The following SHISA9 variants were observed in gnomAD, a reference collection of about 807,000 sequenced individuals.
The protein encoded by SHISA9 is protein shisa-9.
SHISA9 carries 13 observed loss-of-function variants against 38.0 expected under a neutral mutation model. That is an observed-to-expected ratio of 0.34 (90% CI 0.22 to 0.54). The LOEUF is 0.54. Ranked by LOEUF, SHISA9 falls within the 20% of genes least tolerant of loss-of-function variation. The pLI, the probability that SHISA9 is intolerant of heterozygous loss-of-function variation, is 0.91. For synonymous variants in SHISA9, 275 were observed against 242.0 expected, an observed-to-expected ratio of 1.14 and a Z score of -1.27; for missense variants, 538 against 575.8, an observed-to-expected ratio of 0.93 and a Z score of 0.67.
intron 2 of SHISA9, among the ~76,000 whole-genome samples, chr16:13,106,441 G>A (rs1188918847): frequency 1.3e-5 from 2 of 152,104 alleles, no homozygotes; most frequent in Non-Finnish European, 2.9e-5. Flanking sequence ...CTTGTTATAG[G>A]ATAATAATAC....
chr16:13,300,210 T>A, the SHISA9 span, among the ~76,000 whole-genome samples: 1 of 152,158 alleles, frequency 6.6e-6, no homozygotes, highest in African/African-American at 2.4e-5. Context: ...CCAGTACGCC[T>A]GTATTTCAAG....
chr16:13,366,523 C>T, the SHISA9 span, among the ~76,000 whole-genome samples: 1 of 152,072 alleles, frequency 6.6e-6, no homozygotes, highest in Non-Finnish European at 1.5e-5. Context: ...GCTGCCCATA[C>T]CTAGACCACA....
At chr16:13,230,476 G>A (rs755195893) in intron 4 of SHISA9, among the ~76,000 whole-genome samples, 6 of 152,148 alleles carry the variant, frequency 3.9e-5, no homozygotes, top group Non-Finnish European at 8.8e-5. Context: ...GAGGATAATG[G>A]AGTCAACCAT....
chr16:13,017,650 C>T (rs1427062808), intron 2 of SHISA9, among the ~76,000 whole-genome samples: 1 of 152,128 alleles, frequency 6.6e-6, no homozygotes, highest in Non-Finnish European at 1.5e-5. Context: ...CTCATTGAAT[C>T]TTTATTCAGT....
the SHISA9 span, among the ~76,000 whole-genome samples, chr16:13,459,475 C>T: frequency 6.7e-6 from 1 of 149,632 alleles, no homozygotes; most frequent in Non-Finnish European, 1.5e-5. Context: ...TATCTTTTGC[C>T]TGGAATGTTC....
chr16:13,468,516 C>T, the SHISA9 span, among the ~76,000 whole-genome samples: 1 of 152,226 alleles, frequency 6.6e-6, no homozygotes, highest in Admixed American at 6.5e-5. Flanking sequence ...TACTTCCATA[C>T]TTTCATTTCT....
the SHISA9 span, among the ~76,000 whole-genome samples, chr16:13,532,652 G>A: frequency 2.6e-5 from 4 of 151,942 alleles, no homozygotes; most frequent in African/African-American, 9.7e-5. Flanking sequence ...GCCAAAAGTT[G>A]GGAAAGTGTC....
At chr16:13,511,044 G>A in the SHISA9 span, among the ~76,000 whole-genome samples, 4 of 152,298 alleles carry the variant, frequency 2.6e-5, no homozygotes, top group East Asian at 1.9e-4. Context: ...CAGTTTGGAC[G>A]TTCATCACTA....
chr16:13,306,380 A>T, the SHISA9 span, among the ~76,000 whole-genome samples: 3 of 152,124 alleles, frequency 2.0e-5, no homozygotes, highest in African/African-American at 7.2e-5. Flanking sequence ...TTTGTAACAG[A>T]TCTCGGTCAT....
chr16:12,957,784 G>GGT (rs1457265412), intron 2 of SHISA9, among the ~76,000 whole-genome samples: 1 of 152,180 alleles, frequency 6.6e-6, no homozygotes, highest in East Asian at 1.9e-4. Context: ...CCAAGATCAA[G>GGT]GTGCTGGGTT....
chr16:13,121,990 G>C (rs2050216048), intron 2 of SHISA9, among the ~76,000 whole-genome samples: 1 of 152,018 alleles, frequency 6.6e-6, no homozygotes, highest in Non-Finnish European at 1.5e-5. Flanking sequence ...GAGTGATACT[G>C]TTCACATAAA....
At chr16:13,210,325 T>A (rs1381592442) in intron 3 of SHISA9, among the ~76,000 whole-genome samples, 2 of 152,174 alleles carry the variant, frequency 1.3e-5, no homozygotes, top group East Asian at 1.9e-4. Flanking sequence ...AGATTCATGA[T>A]CATGTGCCCT....
the SHISA9 span, among the ~76,000 whole-genome samples, chr16:13,521,156 C>T: frequency 6.6e-6 from 1 of 152,176 alleles, no homozygotes; most frequent in Admixed American, 6.5e-5. Context: ...AACTGTTCCA[C>T]ACCTGATCAT....
At chr16:13,526,646 A>T in the SHISA9 span, among the ~76,000 whole-genome samples, 1 of 152,154 alleles carries the variant, frequency 6.6e-6, no homozygotes, top group African/African-American at 2.4e-5. Context: ...TCGGCCTCCC[A>T]AAGTGCTGGG....
chr16:13,367,712 GCACA>G, the SHISA9 span, among the ~76,000 whole-genome samples: 945 of 104,662 alleles, frequency 9.0e-3, 8 homozygotes, highest in African/African-American at 0.014. Flanking sequence ...GCGCGCGCGC[GCACA>G]CACACACACA....
chr16:13,545,521 C>A, the SHISA9 span, among the ~76,000 whole-genome samples: 3 of 152,180 alleles, frequency 2.0e-5, no homozygotes, highest in East Asian at 5.8e-4. Context: ...GGTTGAATAG[C>A]CCCTCCACCC....
At position 12,903,941 on chromosome 16, in the gene SHISA9, A is replaced by AT. The variant is rs35536642; in HGVS notation, c.563+1325dup. 3.1e-3 allele frequency among the ~76,000 whole-genome samples: 460 copies of AT among 148,550 alleles called. 2 individuals are homozygous for AT. The highest frequency in any genetic ancestry group is 9.5e-3 in the African/African-American group (385 of 40,592). On this transcript the variant is annotated intron_variant, in intron 1 of 4. Coordinates refer to ENST00000558583, the MANE Select transcript of SHISA9 (RefSeq NM_001145204.3). ...ATTTATACGCAGAGTATCCGATGAG[A>AT]TTTTTTTTTTTCCCCCAGAGAGAAG...
chr16:13,162,986 GA>G lies in SHISA9; in HGVS notation c.692-40401del, dbSNP rs1232119580. ...TATAATGCTTTCTAAGTCAAAGAGA[GA>G]AAAAAATAATGAATGAAAGAAGGAA... is the stretch of plus-strand genomic sequence containing the variant. On this transcript the variant is annotated intron_variant, in intron 2 of 4. Coordinates refer to ENST00000558583, the MANE Select transcript of SHISA9 (RefSeq NM_001145204.3). Among the ~76,000 whole-genome samples, 6 of 152,106 alleles carry G rather than the reference GA, an allele frequency of 3.9e-5. No homozygotes were observed. In the East Asian group the frequency reaches 5.8e-4, roughly 15 times the overall value.
Position 12,901,921 on chromosome 16 carries a change from G to A in SHISA9, c.-144G>A. On this transcript the variant is annotated 5_prime_UTR_variant, in exon 1 of 5. Coordinates refer to ENST00000558583, the MANE Select transcript of SHISA9 (RefSeq NM_001145204.3). ...GAGCGCAGTGGCCGCCGACCACCGAGCGCCCCGCGCCGCTCCCTGCATGTG... is the reference window on the plus strand; with the variant it reads ...GAGCGCAGTGGCCGCCGACCACCGAACGCCCCGCGCCGCTCCCTGCATGTG... The A allele has an allele frequency of 2.1e-6, 1 of 465,218 alleles. No individual in the cohort carries two copies. The highest frequency in any genetic ancestry group is 3.2e-6 in the Non-Finnish European group (1 of 310,316). The allele number at this position is 465,218 out of a possible 1,614,324, so 28.8% of individuals were successfully genotyped here.
Sources: gnomAD v4.1 joint callset for allele counts (sites outside exome capture counted in the v4.1 genomes callset) on GRCh38, gnomAD v4.1.1 for gene constraint, MANE v1.5 for transcripts, NCBI Gene and HGNC (gene_info 2026-07-23, HGNC 2026-07-21) for gene names.